Variants in ADAMTS12 observed in about 807,000 individuals in gnomAD.
ADAMTS12 encodes ADAM metallopeptidase with thrombospondin type 1 motif 12.
A neutral mutation model predicts 167.8 loss-of-function variants in ADAMTS12; 118 were observed. That is an observed-to-expected ratio of 0.70 (90% CI 0.61 to 0.82). The LOEUF is 0.82. Among genes scored for constraint, ADAMTS12 ranks in the 40% least tolerant of loss-of-function variants. The probability of loss-of-function intolerance (pLI) is 0.00; values close to 1 mark genes in which losing one functional copy is unlikely to be tolerated. For missense variants in ADAMTS12, 1,916 were observed against 1,998.8 expected (o/e 0.96, Z 0.79); for synonymous variants, 704 against 716.9 (o/e 0.98, Z 0.29).
rs550821902 is a variant in ADAMTS12 at position 33,649,626 on chromosome 5, C to G, written c.1262G>C (p.Arg421Pro). The change falls in exon 8 of 24, where the codon CGC becomes CCC. Residue 421 changes from arginine (R) to proline (P), a missense_variant. By Grantham distance (103) the Arg-to-Pro change is moderately radical. Coordinates refer to ENST00000504830, the MANE Select transcript of ADAMTS12 (RefSeq NM_030955.4). ...PVGRHPYIMS[R>P]QLQYDPTPLT... ...CGGAGTGGGATCGTACTGGAGCTGG[C>G]GGGACATGATGTACGGATGTCTGCC... 2.5e-6 allele frequency: 4 copies of G among 1,613,846 alleles called. No individual in the cohort carries two copies. The Admixed American group carries it at 5.0e-5, about 20-fold the overall frequency.
intron 7 of ADAMTS12, among the ~76,000 whole-genome samples, chr5:33,650,588 C>G (rs144504795): frequency 5.0e-4 from 76 of 152,318 alleles, no homozygotes; most frequent in African/African-American, 1.7e-3. Context: ...TAACACAGTA[C>G]TCTTGTCCAT....
chr5:33,583,134 C>T (rs1007510851), intron 18 of ADAMTS12, among the ~76,000 whole-genome samples: 1 of 152,228 alleles, frequency 6.6e-6, no homozygotes, highest in African/African-American at 2.4e-5. Context: ...ACCTTCCCTG[C>T]AAACTCTCGC....
chr5:33,800,438 T>A (rs1274692842), intron 2 of ADAMTS12, among the ~76,000 whole-genome samples: 1 of 152,192 alleles, frequency 6.6e-6, no homozygotes, highest in Non-Finnish European at 1.5e-5. Flanking sequence ...AAGAGCTCAA[T>A]ACTACACAAA....
intron 3 of ADAMTS12, among the ~76,000 whole-genome samples, chr5:33,709,148 A>G (rs564803839): frequency 6.8e-4 from 103 of 152,316 alleles, no homozygotes; most frequent in African/African-American, 2.4e-3. Context: ...CGAAACCACA[A>G]TGAGATACCA....
intron 2 of ADAMTS12, among the ~76,000 whole-genome samples, chr5:33,857,001 A>C (rs1360044039): frequency 6.6e-6 from 1 of 152,244 alleles, no homozygotes. Context: ...AACAGCCTAA[A>C]TGTCCACTGA....
At chr5:33,842,185 T>C (rs968960978) in intron 2 of ADAMTS12, among the ~76,000 whole-genome samples, 2 of 152,212 alleles carry the variant, frequency 1.3e-5, no homozygotes, top group Admixed American at 6.5e-5. Flanking sequence ...CAGCGAGTCA[T>C]TGGAAACGTT....
chr5:33,794,788 CG>C (rs1746711624), intron 2 of ADAMTS12, among the ~76,000 whole-genome samples: 1 of 152,064 alleles, frequency 6.6e-6, no homozygotes, highest in Non-Finnish European at 1.5e-5. Flanking sequence ...AAGGGGCCAG[CG>C]GGGGAGATCG....
At chr5:33,529,392 A>AT (rs567756205) in intron 23 of ADAMTS12, among the ~76,000 whole-genome samples, 2,162 of 148,838 alleles carry the variant, frequency 0.015, 47 homozygotes, top group African/African-American at 0.05. Context: ...ATTCAATTAG[A>AT]TTTTTTTTTT....
chr5:33,746,523 T>G (rs1744792565), intron 3 of ADAMTS12, among the ~76,000 whole-genome samples: 1 of 152,222 alleles, frequency 6.6e-6, no homozygotes, highest in Non-Finnish European at 1.5e-5. Flanking sequence ...AGACAAGATA[T>G]TCTTAAACAT....
intron 22 of ADAMTS12, among the ~76,000 whole-genome samples, chr5:33,541,149 T>C (rs1301006374): frequency 2.6e-5 from 4 of 152,226 alleles, no homozygotes. Flanking sequence ...AATGACCTGA[T>C]GGAGCTGAAA....
chr5:33,602,769 T>C (rs894222306), intron 16 of ADAMTS12, among the ~76,000 whole-genome samples: 2 of 152,230 alleles, frequency 1.3e-5, no homozygotes, highest in Non-Finnish European at 2.9e-5. Context: ...AGGAATACTA[T>C]TGGATAAATC....
At chr5:33,703,233 C>T (rs1346118600) in intron 3 of ADAMTS12, among the ~76,000 whole-genome samples, 1 of 152,110 alleles carries the variant, frequency 6.6e-6, no homozygotes, top group African/African-American at 2.4e-5. Flanking sequence ...TTCTTTATAA[C>T]TGTTTTGTTC....
intron 3 of ADAMTS12, among the ~76,000 whole-genome samples, chr5:33,690,695 A>G (rs920889362): frequency 6.6e-6 from 1 of 152,168 alleles, no homozygotes; most frequent in Admixed American, 6.5e-5. Flanking sequence ...TAATGAATTT[A>G]TATTAAATCC....
At chr5:33,739,699 C>T (rs1202903100) in intron 3 of ADAMTS12, among the ~76,000 whole-genome samples, 1 of 152,158 alleles carries the variant, frequency 6.6e-6, no homozygotes, top group Non-Finnish European at 1.5e-5. Flanking sequence ...CAGTCATGAC[C>T]CTGAAGTTCT....
chr5:33,838,687 A>G (rs1406463955), intron 2 of ADAMTS12, among the ~76,000 whole-genome samples: 1 of 152,110 alleles, frequency 6.6e-6, no homozygotes. Context: ...GTCACAGACG[A>G]AAAAAAGAAA....
At chr5:33,722,159 T>C (rs943097963) in intron 3 of ADAMTS12, among the ~76,000 whole-genome samples, 6 of 152,178 alleles carry the variant, frequency 3.9e-5, no homozygotes, top group African/African-American at 1.4e-4. Context: ...ACTCAGATCA[T>C]ACATTTTTAT....
intron 2 of ADAMTS12, among the ~76,000 whole-genome samples, chr5:33,806,158 T>C (rs7447124): frequency 0.58 from 88,023 of 152,074 alleles, 25,899 homozygotes; most frequent in East Asian, 0.78. Context: ...ATTAGTTATA[T>C]AGGTCATATG....
chr5:33,654,216 T>C (rs1740962471), intron 7 of ADAMTS12, among the ~76,000 whole-genome samples: 1 of 152,204 alleles, frequency 6.6e-6, no homozygotes, highest in South Asian at 2.1e-4. Context: ...TTAAAGGTTG[T>C]TGATAATTGC....
At chr5:33,762,364 G>A (rs890536862) in intron 2 of ADAMTS12, among the ~76,000 whole-genome samples, 17 of 150,178 alleles carry the variant, frequency 1.1e-4, no homozygotes, top group East Asian at 4.0e-4. Context: ...AAAAGTTAGC[G>A]GGGCGTGGTG....
Sources: allele counts gnomAD v4.1 joint callset (sites outside exome capture counted in the v4.1 genomes callset), GRCh38; gene constraint gnomAD v4.1.1; transcripts MANE v1.5; gene names NCBI Gene and HGNC (gene_info 2026-07-23, HGNC 2026-07-21).